The following KIF16B variants were observed in gnomAD, a reference collection of about 807,000 sequenced individuals.
The protein encoded by KIF16B is kinesin-like protein KIF16B.
A neutral mutation model predicts 156.3 loss-of-function variants in KIF16B; 98 were observed. That is an observed-to-expected ratio of 0.63 (90% CI 0.53 to 0.74). The LOEUF is 0.74. Among genes scored for constraint, KIF16B ranks in the 30% least tolerant of loss-of-function variants. KIF16B has a pLI of 0.00. For synonymous variants in KIF16B, 564 were observed against 583.7 expected, an observed-to-expected ratio of 0.97 and a Z score of 0.49; for missense variants, 1,421 against 1,606.5, an observed-to-expected ratio of 0.88 and a Z score of 1.97.
At chr20:16,295,864 T>C (rs2063378708) in intron 25 of KIF16B, among the ~76,000 whole-genome samples, 1 of 152,204 alleles carries the variant, frequency 6.6e-6, no homozygotes, top group African/African-American at 2.4e-5. Context: ...GTACATATGA[T>C]TCAAAATGGT....
At chr20:16,294,894 G>A (rs1601512476) in intron 25 of KIF16B, among the ~76,000 whole-genome samples, 1 of 152,064 alleles carries the variant, frequency 6.6e-6, no homozygotes, top group Admixed American at 6.5e-5. Context: ...CTAGGACAAC[G>A]CAGGGAGCCA....
chr20:16,536,103 T>G (rs1291372487), intron 1 of KIF16B, among the ~76,000 whole-genome samples: 1 of 152,136 alleles, frequency 6.6e-6, no homozygotes, highest in Non-Finnish European at 1.5e-5. Context: ...CAACAATGAA[T>G]GAACGGATCA....
intron 1 of KIF16B, among the ~76,000 whole-genome samples, chr20:16,538,287 G>A (rs1046431403): frequency 6.6e-6 from 1 of 152,198 alleles, no homozygotes; most frequent in East Asian, 1.9e-4. Flanking sequence ...GCCAGGCACT[G>A]AGATTACCCA....
intron 12 of KIF16B, among the ~76,000 whole-genome samples, chr20:16,436,424 C>T (rs1411265601): frequency 1.3e-5 from 2 of 152,104 alleles, no homozygotes; most frequent in African/African-American, 2.4e-5. Context: ...GGCAGGATGC[C>T]CTCGAGCTTC....
chr20:16,508,311 C>T (rs1471650133), intron 6 of KIF16B, among the ~76,000 whole-genome samples: 1 of 152,190 alleles, frequency 6.6e-6, no homozygotes, highest in Non-Finnish European at 1.5e-5. Flanking sequence ...TAGCCGTGGA[C>T]TTACATAGTT....
At chr20:16,367,180 G>C in intron 22 of KIF16B, 2 of 1,609,558 alleles carry the variant, frequency 1.2e-6, no homozygotes, top group Non-Finnish European at 1.7e-6. Flanking sequence ...TAGCCAAAGA[G>C]CCTCATCTTG....
intron 24 of KIF16B, among the ~76,000 whole-genome samples, chr20:16,328,964 G>C (rs908304787): frequency 6.6e-6 from 1 of 152,122 alleles, no homozygotes; most frequent in Non-Finnish European, 1.5e-5. Flanking sequence ...TCAGTCCATA[G>C]CAGTGCTCAT....
intron 23 of KIF16B, among the ~76,000 whole-genome samples, chr20:16,353,957 G>A (rs1045163314): frequency 4.6e-5 from 7 of 152,152 alleles, no homozygotes; most frequent in South Asian, 2.1e-4. Context: ...AAAAGGAAGC[G>A]GAACAATGAC....
intron 22 of KIF16B, chr20:16,369,100 G>T: frequency 1.0e-6 from 1 of 985,878 alleles, no homozygotes; most frequent in Non-Finnish European, 1.2e-6. Flanking sequence ...TCTCTCTTGT[G>T]ATGCTGAGGA....
chr20:16,497,523 G>C (rs1289850587), intron 11 of KIF16B, 90 bp downstream of exon 11: 5 of 963,890 alleles, frequency 5.2e-6, no homozygotes, highest in African/African-American at 1.7e-5. Context: ...AGAAAAAGAA[G>C]GCATCTCAAA....
At chr20:16,504,228 A>C in intron 10 of KIF16B, 144 bp downstream of exon 10, 2 of 755,888 alleles carry the variant, frequency 2.6e-6, no homozygotes, top group Non-Finnish European at 4.3e-6. Context: ...GATGTAAACG[A>C]GGGACTGGCT....
chr20:16,429,150 C>T (rs1005022432), intron 13 of KIF16B, 146 bp from the exon 14 acceptor site: 1 of 694,086 alleles, frequency 1.4e-6, no homozygotes, highest in Non-Finnish European at 2.6e-6. Context: ...TCGAGAGCTC[C>T]CCAAGGCTCT....
intron 1 of KIF16B, among the ~76,000 whole-genome samples, chr20:16,546,978 T>C (rs1223005366): frequency 1.3e-5 from 2 of 152,104 alleles, no homozygotes; most frequent in East Asian, 3.9e-4. Context: ...GGTTTTGCCA[T>C]TTTGCCCAGG....
intron 25 of KIF16B, among the ~76,000 whole-genome samples, chr20:16,290,313 A>G (rs922744061): frequency 6.6e-6 from 1 of 152,186 alleles, no homozygotes; most frequent in African/African-American, 2.4e-5. Flanking sequence ...GGAACTCCAC[A>G]ACTGGATGCA....
chr20:16,368,726 C>G, intron 22 of KIF16B: 1 of 985,884 alleles, frequency 1.0e-6, no homozygotes. Context: ...CTCTGCGGGG[C>G]ACTGCAGGAT....
At chr20:16,485,086 TG>T (rs2068079691) in intron 12 of KIF16B, among the ~76,000 whole-genome samples, 1 of 152,154 alleles carries the variant, frequency 6.6e-6, no homozygotes, top group South Asian at 2.1e-4. Flanking sequence ...GCTTGGACAC[TG>T]GGGTTATCCT....
At chr20:16,355,667 T>C (rs989055745) in intron 23 of KIF16B, among the ~76,000 whole-genome samples, 3 of 152,196 alleles carry the variant, frequency 2.0e-5, no homozygotes, top group African/African-American at 7.2e-5. Flanking sequence ...TAAAGTGTTA[T>C]GAGTCAATGA....
rs776089302 is a variant in KIF16B, at chr20:16,427,269, AT to A, written c.1475-29del. The A allele has an allele frequency of 9.4e-6, 15 of 1,591,380 alleles. 1 individual carries two copies. The highest frequency in any genetic ancestry group is 9.3e-5 in the South Asian group (8 of 86,364). The stretch of plus-strand genomic sequence containing the variant: ...AAAGTGGAAAAACAAAGTAGAAAGA[AT>A]TTTTCCCCCTTTTCTACTGCAATGA... On this transcript the variant is annotated intron_variant, in intron 14 of 25. Coordinates refer to ENST00000354981, the MANE Select transcript of KIF16B (RefSeq NM_024704.5).
At chr20:16,331,923 C>T (rs780073934) in intron 24 of KIF16B, among the ~76,000 whole-genome samples, 2 of 152,096 alleles carry the variant, frequency 1.3e-5, no homozygotes, top group Non-Finnish European at 2.9e-5. Context: ...ACATTGATCT[C>T]AAGTCTCAAC....
Sources: gnomAD v4.1 joint callset for allele counts (sites outside exome capture counted in the v4.1 genomes callset) on GRCh38, gnomAD v4.1.1 for gene constraint, MANE v1.5 for transcripts, NCBI Gene and HGNC (gene_info 2026-07-23, HGNC 2026-07-21) for gene names.